FBP2: variants seen among roughly 807,000 people sequenced by gnomAD.
The protein encoded by FBP2 is fructose-bisphosphatase 2, also known as fructose-1,6-bisphosphatase isozyme 2.
A neutral mutation model predicts 31.6 loss-of-function variants in FBP2; 27 were observed. That is an observed-to-expected ratio of 0.85 (90% CI 0.63 to 1.18). The LOEUF is 1.18. Among genes scored for constraint, FBP2 ranks in the 50% most tolerant of loss-of-function variants. The probability of loss-of-function intolerance (pLI) is 0.00; values close to 1 mark genes in which losing one functional copy is unlikely to be tolerated. For missense variants in FBP2, 421 were observed against 436.1 expected, an observed-to-expected ratio of 0.97 and a Z score of 0.31; for synonymous variants, 168 against 179.8, an observed-to-expected ratio of 0.93 and a Z score of 0.53.
chr9:94,590,555 G>A (rs554575795), intron 1 of FBP2, among the ~76,000 whole-genome samples: 7 of 152,148 alleles, frequency 4.6e-5, no homozygotes, highest in Non-Finnish European at 1.0e-4. Context: ...TTAAGGTGGC[G>A]CATCTGGAGT....
At chr9:94,559,195 C>T (rs1025654709) in intron 6 of FBP2, 63 bp from the exon 7 acceptor site, 4 of 1,464,500 alleles carry the variant, frequency 2.7e-6, no homozygotes, top group Non-Finnish European at 3.8e-6. Flanking sequence ...GAGCCATGCC[C>T]CTAAAGCTGG....
intron 4 of FBP2, chr9:94,570,144 T>G (rs693122): frequency 0.49 from 73,906 of 152,036 alleles, 18,583 homozygotes; most frequent in East Asian, 0.61. Context: ...GGGCCCTGCT[T>G]TCATGACTGA....
chr9:94,572,322 GAC>G (rs149084114), intron 3 of FBP2, among the ~76,000 whole-genome samples: 1 of 151,864 alleles, frequency 6.6e-6, no homozygotes, highest in Non-Finnish European at 1.5e-5. Context: ...CGTCTCCCAC[GAC>G]ACACACACAC....
intron 3 of FBP2, among the ~76,000 whole-genome samples, chr9:94,582,705 G>A (rs1412568206): frequency 3.3e-5 from 5 of 150,868 alleles, no homozygotes; most frequent in East Asian, 3.9e-4. Context: ...CCACCACCAC[G>A]CCCGGCTAAT....
intron 6 of FBP2, among the ~76,000 whole-genome samples, chr9:94,561,508 A>C (rs938357023): frequency 2.0e-5 from 3 of 151,942 alleles, no homozygotes; most frequent in Non-Finnish European, 4.4e-5. Flanking sequence ...AACCACAGGC[A>C]CATGCCACCA....
intron 3 of FBP2, chr9:94,577,833 C>T (rs1440457089): frequency 6.6e-6 from 1 of 151,742 alleles, no homozygotes; most frequent in Non-Finnish European, 1.5e-5. Context: ...TTAGAGTTCT[C>T]AGATAAAAGC....
At chr9:94,565,650 G>C (rs1437552894) in intron 5 of FBP2, among the ~76,000 whole-genome samples, 1 of 151,140 alleles carries the variant, frequency 6.6e-6, no homozygotes, top group Non-Finnish European at 1.5e-5. Flanking sequence ...TGACATAACA[G>C]AGACAGGTGT....
At position 94,593,566 on chromosome 9, in the gene FBP2, A is replaced by G. The variant is rs1216787492; in HGVS notation, c.161T>C (p.Leu54Pro). The stretch of plus-strand genomic sequence containing the variant: ...GCTCCCCAGGACTCACAGGTGGGCC[A>G]GACCGGCCTTGCGCACAGCCGAGGA... ...AISSAVRKAG[L>P]AHLYGIAGSV... The change falls in exon 1 of 7, where the codon CTG becomes CCG. Residue 54 changes from leucine to proline, a missense_variant. By Grantham distance (98) the Leu-to-Pro change is moderately conservative (BLOSUM62 -3). Transcript: ENST00000375337. The G allele has an allele frequency of 2.6e-5, 42 of 1,613,418 alleles. No homozygotes were observed. Among genetic ancestry groups the G allele is most frequent in the Non-Finnish European group, 3.5e-5 (41 of 1,179,820 alleles).
intron 3 of FBP2, among the ~76,000 whole-genome samples, chr9:94,581,288 A>G (rs1411002974): frequency 6.6e-6 from 1 of 152,176 alleles, no homozygotes; most frequent in Non-Finnish European, 1.5e-5. Context: ...GAGCCTCCAA[A>G]TCCAGGACGG....
In FBP2 at chr9:94,567,345, G is replaced by A. The variant is rs548635230; in HGVS notation, c.630C>T (p.Tyr210=). Residue 210 remains tyrosine (Y), a synonymous_variant, in exon 5 of 7, where the codon TAC becomes TAT. Transcript: ENST00000375337. ...DVKIKKKGKI[Y]SLNEGYAKYF... Reference sequence around the variant, plus strand: ...ACTTGGCATAGCCCTCATTCAGGCTGTAAATCTTTCCTTTCTTCTTAATCT... The same window carrying A: ...ACTTGGCATAGCCCTCATTCAGGCTATAAATCTTTCCTTTCTTCTTAATCT... The A allele has an allele frequency of 4.3e-6, 7 of 1,614,158 alleles. No homozygotes were observed. In the African/African-American group the frequency reaches 6.7e-5, roughly 15 times the overall value.
intron 3 of FBP2, among the ~76,000 whole-genome samples, chr9:94,579,176 A>AT (rs1462606129): frequency 6.6e-6 from 1 of 150,496 alleles, no homozygotes; most frequent in Non-Finnish European, 1.5e-5. Flanking sequence ...AGGCGGGCAG[A>AT]TAACGAGGTC....
chr9:94,571,346 C>G, intron 4 of FBP2, 116 bp downstream of exon 4: 1 of 1,133,902 alleles, frequency 8.8e-7, no homozygotes, highest in African/African-American at 1.6e-5. Flanking sequence ...TCTCAGGACC[C>G]CTGGTCCCCA....
intron 3 of FBP2, among the ~76,000 whole-genome samples, chr9:94,582,997 G>T (rs1440000311): frequency 6.6e-6 from 1 of 151,300 alleles, no homozygotes; most frequent in African/African-American, 2.4e-5. Context: ...GGGATTATAG[G>T]CGCCCGCCAC....
intron 6 of FBP2, among the ~76,000 whole-genome samples, chr9:94,562,035 G>T (rs966084540): frequency 3.3e-5 from 5 of 152,118 alleles, no homozygotes; most frequent in Non-Finnish European, 5.9e-5. Flanking sequence ...GTCTTCGCCG[G>T]GCGCTGTGAC....
rs35098649 is a variant in FBP2, at chr9:94,579,397, C to CAA, written c.426+5178_426+5179dup. On this transcript the variant is annotated intron_variant, in intron 3 of 6. Transcript: ENST00000375337. ...TGGGCGACAGAGTGAGACTCTGTCT[C>CAA]AAAAAAAAAAAAAAAAAAAAAAAGT... Among the ~76,000 whole-genome samples the CAA allele has an allele frequency of 6.8e-3, 441 of 64,896 alleles. 8 individuals carry two copies. Among genetic ancestry groups the CAA allele is most frequent in the Middle Eastern group, 0.018 (2 of 114 alleles). The allele number at this position is 64,896 out of a possible 152,430, so 42.6% of individuals were successfully genotyped here. A position where few individuals can be genotyped will look rare whatever the true frequency, so the allele number is the denominator to read the frequency against.
intron 4 of FBP2, among the ~76,000 whole-genome samples, 195 bp downstream of exon 4, chr9:94,571,267 C>G (rs1455645392): frequency 1.3e-5 from 2 of 152,168 alleles, no homozygotes; most frequent in East Asian, 3.9e-4. Context: ...ACTCCTCCCC[C>G]CGAGTGCCCT....
intron 3 of FBP2, among the ~76,000 whole-genome samples, chr9:94,571,984 G>A (rs1009578957): frequency 6.6e-5 from 10 of 152,074 alleles, no homozygotes; most frequent in African/African-American, 2.2e-4. Flanking sequence ...CAGCCCTTTG[G>A]GGCAGATAGC....
At chr9:94,559,652 C>G (rs1160644531) in intron 6 of FBP2, among the ~76,000 whole-genome samples, 1 of 152,064 alleles carries the variant, frequency 6.6e-6, no homozygotes, top group Non-Finnish European at 1.5e-5. Flanking sequence ...AACTAGTTTG[C>G]CGGTGTTTCA....
At chr9:94,569,441 CTG>C (rs1456856986) in intron 4 of FBP2, 1 of 152,258 alleles carries the variant, frequency 6.6e-6, no homozygotes, top group African/African-American at 2.4e-5. Context: ...AGATGCACAA[CTG>C]TCATCTGAAC....
Sources: gnomAD v4.1 joint callset for allele counts (sites outside exome capture counted in the v4.1 genomes callset) on GRCh38, gnomAD v4.1.1 for gene constraint, MANE v1.5 for transcripts, NCBI Gene and HGNC (gene_info 2026-07-23, HGNC 2026-07-21) for gene names.